GRIK2: variants seen among roughly 807,000 people sequenced by gnomAD.
The protein encoded by GRIK2 is glutamate ionotropic receptor kainate type subunit 2.
In GRIK2, 32 loss-of-function variants were observed where a neutral mutation model predicts 100.3. That is an observed-to-expected ratio of 0.32 (90% CI 0.24 to 0.43). The LOEUF is 0.43. Ranked by LOEUF, GRIK2 falls within the 20% of genes least tolerant of loss-of-function variation. The pLI is 1.00. For missense variants in GRIK2, 843 were observed against 1,114.9 expected, an observed-to-expected ratio of 0.76 and a Z score of 3.47; for synonymous variants, 417 against 389.4, an observed-to-expected ratio of 1.07 and a Z score of -0.83.
chr6:101,576,562 A>G (rs779602489), intron 2 of GRIK2, among the ~76,000 whole-genome samples: 10 of 150,818 alleles, frequency 6.6e-5, no homozygotes, highest in Non-Finnish European at 1.3e-4. Flanking sequence ...GTTTACCAAG[A>G]TTTTTAAGAA....
In GRIK2 at chr6:101,733,019, A is replaced by G. The variant is rs139419927; in HGVS notation, c.951+46666A>G. ...ATGACTTTCCAAAGTCCCTAACTCT[A>G]CATACTACCACATTGGGAAATTAAG... On this transcript the variant is annotated intron_variant, in intron 7 of 16. Transcript: ENST00000369134. Among the ~76,000 whole-genome samples the G allele has an allele frequency of 2.0e-5, 3 of 152,194 alleles. No individual in the cohort carries two copies. In the East Asian group the frequency reaches 5.8e-4, roughly 29 times the overall value.
chr6:102,000,789 A>C (rs1397992387), intron 14 of GRIK2, among the ~76,000 whole-genome samples: 1 of 152,076 alleles, frequency 6.6e-6, no homozygotes. Flanking sequence ...GTTTCTGATC[A>C]ATCTAGTTTA....
intron 14 of GRIK2, among the ~76,000 whole-genome samples, chr6:101,957,606 GGCCAA>G (rs1174900540): frequency 4.6e-5 from 7 of 151,256 alleles, no homozygotes; most frequent in Non-Finnish European, 7.4e-5. Context: ...TGTTTGTTTT[GGCCAA>G]TGTCCAGAAG....
chr6:101,890,809 T>C (rs941901729), intron 12 of GRIK2, among the ~76,000 whole-genome samples: 2 of 151,940 alleles, frequency 1.3e-5, no homozygotes, highest in Non-Finnish European at 2.9e-5. Context: ...AGATTAGTAT[T>C]GTGCCTCAGG....
rs751726535 is a variant in GRIK2, at chr6:101,595,716, G to GTATATA, written c.116-26232_116-26231insATATAT. Among the ~76,000 whole-genome samples, 54 of 133,782 alleles carry GTATATA rather than the reference G, an allele frequency of 4.0e-4. No individual in the cohort carries two copies. The East Asian group carries it at 4.1e-3, about 10-fold the overall frequency. The allele number at this position is 133,782 out of a possible 152,430, so 87.8% of individuals were successfully genotyped here. A position where few individuals can be genotyped will look rare whatever the true frequency, so the allele number is the denominator to read the frequency against. ...TATATATATGTGTGTGTGTGTGTGT[G>GTATATA]TGTATATATATATATATATATATAT... On this transcript the variant is annotated intron_variant, in intron 2 of 16. Transcript: ENST00000369134.
intron 7 of GRIK2, among the ~76,000 whole-genome samples, chr6:101,697,466 C>T (rs1224644595): frequency 2.2e-5 from 3 of 136,382 alleles, no homozygotes; most frequent in Non-Finnish European, 4.9e-5. Flanking sequence ...AGCCCAATTA[C>T]AATGATTTAA....
intron 4 of GRIK2, among the ~76,000 whole-genome samples, chr6:101,627,050 A>C (rs757272099): frequency 1.1e-4 from 17 of 152,072 alleles, no homozygotes; most frequent in Non-Finnish European, 2.2e-4. Context: ...CAATTTATTC[A>C]AAAACAATAT....
intron 7 of GRIK2, among the ~76,000 whole-genome samples, chr6:101,788,971 G>A (rs1779631046): frequency 6.6e-6 from 1 of 151,656 alleles, no homozygotes; most frequent in Non-Finnish European, 1.5e-5. Flanking sequence ...GTGATGATGA[G>A]CTTTTTTTCA....
intron 14 of GRIK2, among the ~76,000 whole-genome samples, chr6:101,963,438 C>T (rs1792440837): frequency 6.7e-6 from 1 of 148,298 alleles, no homozygotes; most frequent in South Asian, 2.1e-4. Flanking sequence ...GCTGGGACTA[C>T]AGGCGCCTGC....
At chr6:101,826,628 A>G (rs186132580) in intron 10 of GRIK2, among the ~76,000 whole-genome samples, 7 of 152,148 alleles carry the variant, frequency 4.6e-5, no homozygotes, top group African/African-American at 1.2e-4. Context: ...TGGAACCACA[A>G]TGAAATAGTA....
chr6:101,629,426 C>G (rs900105537), intron 4 of GRIK2, among the ~76,000 whole-genome samples: 2 of 151,986 alleles, frequency 1.3e-5, no homozygotes, highest in Non-Finnish European at 2.9e-5. Context: ...TTAAATGCCA[C>G]GAAAGGAATT....
intron 1 of GRIK2, among the ~76,000 whole-genome samples, chr6:101,394,309 C>A (rs1393766094): frequency 2.6e-5 from 4 of 152,110 alleles, no homozygotes; most frequent in Admixed American, 1.3e-4. Context: ...AACCGGCACC[C>A]GTATTAAGAG....
At chr6:101,802,105 A>C (rs1780708486) in intron 8 of GRIK2, among the ~76,000 whole-genome samples, 1 of 151,914 alleles carries the variant, frequency 6.6e-6, no homozygotes, top group Admixed American at 6.6e-5. Context: ...TTGTAACTGG[A>C]AAATGCATTG....
intron 2 of GRIK2, among the ~76,000 whole-genome samples, chr6:101,442,784 A>G (rs1421374855): frequency 2.0e-5 from 3 of 152,130 alleles, no homozygotes; most frequent in Non-Finnish European, 4.4e-5. Context: ...CTGGGATTCA[A>G]TGTAACTATT....
chr6:101,817,129 A>C (rs1218547658), intron 9 of GRIK2, among the ~76,000 whole-genome samples: 1 of 152,160 alleles, frequency 6.6e-6, no homozygotes, highest in Non-Finnish European at 1.5e-5. Context: ...AGAAATGTAA[A>C]TTGGCCAGTA....
chr6:101,505,657 G>A (rs1392846612), intron 2 of GRIK2, among the ~76,000 whole-genome samples: 1 of 151,476 alleles, frequency 6.6e-6, no homozygotes, highest in Admixed American at 6.6e-5. Context: ...AATGTACCCA[G>A]TTAAAGTGAA....
chr6:101,796,003 A>G (rs1780279585), intron 7 of GRIK2, among the ~76,000 whole-genome samples: 1 of 152,190 alleles, frequency 6.6e-6, no homozygotes, highest in African/African-American at 2.4e-5. Context: ...TATGCATTCA[A>G]GTGCTTGTTG....
intron 14 of GRIK2, among the ~76,000 whole-genome samples, chr6:101,942,791 T>C (rs771166963): frequency 5.3e-5 from 8 of 152,170 alleles, no homozygotes; most frequent in Non-Finnish European, 7.3e-5. Flanking sequence ...TTAGAACTTA[T>C]GTTTGAAAGG....
At chr6:101,771,050 C>A (rs1778368392) in intron 7 of GRIK2, among the ~76,000 whole-genome samples, 1 of 151,930 alleles carries the variant, frequency 6.6e-6, no homozygotes, top group Non-Finnish European at 1.5e-5. Flanking sequence ...TGATTTTATA[C>A]ACATCTCATT....
Sources: gnomAD v4.1 joint callset for allele counts (sites outside exome capture counted in the v4.1 genomes callset) on GRCh38, gnomAD v4.1.1 for gene constraint, MANE v1.5 for transcripts, NCBI Gene and HGNC (gene_info 2026-07-23, HGNC 2026-07-21) for gene names.